The following CALN1 variants were observed in gnomAD, a reference collection of about 807,000 sequenced individuals.
CALN1 encodes the protein calneuron 1, also known as calcium-binding protein 8.
Under a neutral mutation model 30.6 loss-of-function variants are expected in CALN1, and 17 were observed. That is an observed-to-expected ratio of 0.56 (90% confidence interval 0.38 to 0.83). CALN1 has a LOEUF of 0.83. Ranked by LOEUF, CALN1 falls within the 40% of genes least tolerant of loss-of-function variation. The probability of loss-of-function intolerance (pLI) is 0.00; values close to 1 mark genes in which losing one functional copy is unlikely to be tolerated. For synonymous variants in CALN1, 156 were observed against 131.4 expected (o/e 1.19, Z -1.28); for missense variants, 291 against 354.9 (o/e 0.82, Z 1.45).
intron 4 of CALN1, among the ~76,000 whole-genome samples, chr7:72,079,853 C>T (rs1040950955): frequency 6.6e-6 from 1 of 150,408 alleles, no homozygotes; most frequent in African/African-American, 2.5e-5. Context: ...TCACTGCAGC[C>T]TCCACCTCCT....
intron 5 of CALN1, among the ~76,000 whole-genome samples, chr7:71,927,611 T>C (rs925209837): frequency 6.6e-6 from 1 of 152,208 alleles, no homozygotes; most frequent in Non-Finnish European, 1.5e-5. Context: ...TCTTTCTCTG[T>C]GTGTCTGTAC....
intron 3 of CALN1, among the ~76,000 whole-genome samples, chr7:72,120,726 T>C (rs1250428771): frequency 1.3e-5 from 2 of 152,200 alleles, no homozygotes; most frequent in East Asian, 1.9e-4. Context: ...AACTATCTCT[T>C]AGGTTTTAGT....
At chr7:72,377,608 AG>A in intron 2 of CALN1, among the ~76,000 whole-genome samples, 1 of 152,258 alleles carries the variant, frequency 6.6e-6, no homozygotes. Flanking sequence ...TTGTTTGTTT[AG>A]CAACTTCTCT....
At chr7:72,313,427 T>C (rs1800200574) in intron 2 of CALN1, among the ~76,000 whole-genome samples, 1 of 152,166 alleles carries the variant, frequency 6.6e-6, no homozygotes. Context: ...AGTATCACTG[T>C]GTCACCCAGG....
rs139046404 is a variant in CALN1, at chr7:72,150,872, TATGATGATGATGATG to T, written c.245-44593_245-44579del. ...GCTCAATAACTATTTGCTGTGATGA[TATGATGATGATGATG>T]ATGATGATGATGATGATGGTGACGA... On this transcript the variant is annotated intron_variant, in intron 3 of 6. Transcript: ENST00000395275. 4.7e-5 allele frequency among the ~76,000 whole-genome samples: 7 copies of T among 150,532 alleles called. No individual in the cohort carries two copies. The South Asian group carries it at 6.4e-4, about 14-fold the overall frequency.
At chr7:72,366,016 G>T (rs1031193949) in intron 2 of CALN1, among the ~76,000 whole-genome samples, 1 of 152,022 alleles carries the variant, frequency 6.6e-6, no homozygotes, top group African/African-American at 2.4e-5. Context: ...TCAGTCAATT[G>T]CATAAAGACA....
At chr7:71,860,730 G>A (rs575424906) in intron 5 of CALN1, among the ~76,000 whole-genome samples, 89 of 152,228 alleles carry the variant, frequency 5.8e-4, no homozygotes, top group African/African-American at 1.9e-3. Flanking sequence ...TTAAGGCCAC[G>A]TACCACTGCC....
intron 2 of CALN1, among the ~76,000 whole-genome samples, chr7:72,308,978 G>A (rs1799854459): frequency 6.6e-6 from 1 of 152,136 alleles, no homozygotes; most frequent in African/African-American, 2.4e-5. Flanking sequence ...GCAATTCTAG[G>A]CAATGTTAAG....
chr7:72,223,112 C>T (rs758515341), intron 3 of CALN1, among the ~76,000 whole-genome samples: 64 of 152,216 alleles, frequency 4.2e-4, no homozygotes, highest in Non-Finnish European at 7.4e-4. Context: ...GGGACACAGG[C>T]AAGGGAGTGG....
rs1214095053 is a variant in CALN1, at chr7:72,438,461, G to A, written c.-226+8581C>T. 2.6e-5 allele frequency among the ~76,000 whole-genome samples: 4 copies of A among 152,084 alleles called. No homozygotes were observed. The South Asian group carries it at 6.2e-4, about 24-fold the overall frequency. ...TGACTCCCTATTTCTCCAAAAACAC[G>A]ATTAAGTCTCCCTCATTCTATCGAG... On this transcript the variant is annotated intron_variant, in intron 1 of 6. Coordinates refer to the CALN1 transcript ENST00000395276.
At chr7:72,383,019 C>A (rs928939735) in intron 2 of CALN1, among the ~76,000 whole-genome samples, 1 of 152,184 alleles carries the variant, frequency 6.6e-6, no homozygotes, top group African/African-American at 2.4e-5. Context: ...ATCTCTTGAC[C>A]TCATGATCCA....
chr7:72,314,895 C>T (rs1374844133), intron 2 of CALN1, among the ~76,000 whole-genome samples: 2 of 149,488 alleles, frequency 1.3e-5, no homozygotes, highest in Non-Finnish European at 3.0e-5. Context: ...CACCTGTAAA[C>T]CCAGCACTTT....
At chr7:72,257,961 AGG>A (rs1796022004) in intron 3 of CALN1, among the ~76,000 whole-genome samples, 2 of 147,290 alleles carry the variant, frequency 1.4e-5, no homozygotes, top group African/African-American at 5.2e-5. Flanking sequence ...TGGGGACTCG[AGG>A]GGGAAGAGTG....
At chr7:71,987,608 C>T (rs1798741338) in intron 5 of CALN1, among the ~76,000 whole-genome samples, 1 of 152,168 alleles carries the variant, frequency 6.6e-6, no homozygotes. Context: ...TGTTACGCAA[C>T]CCCCATGAGA....
At chr7:72,268,667 T>C (rs543632554) in intron 3 of CALN1, among the ~76,000 whole-genome samples, 1 of 151,858 alleles carries the variant, frequency 6.6e-6, no homozygotes, top group Non-Finnish European at 1.5e-5. Flanking sequence ...CATGGTGACA[T>C]GCACCTGTAG....
chr7:72,116,523 G>A (rs1213739616), intron 3 of CALN1, among the ~76,000 whole-genome samples: 1 of 152,198 alleles, frequency 6.6e-6, no homozygotes, highest in Non-Finnish European at 1.5e-5. Flanking sequence ...TTCAAAGAGG[G>A]CACAACAGGG....
intron 3 of CALN1, among the ~76,000 whole-genome samples, chr7:72,235,385 T>C (rs1193614038): frequency 1.3e-5 from 2 of 152,186 alleles, no homozygotes; most frequent in African/African-American, 4.8e-5. Flanking sequence ...AATACTGCAT[T>C]AGTATTGTCC....
At chr7:72,247,229 T>G (rs1413379709) in intron 3 of CALN1, among the ~76,000 whole-genome samples, 1 of 8,820 alleles carries the variant, frequency 1.1e-4, no homozygotes, top group Non-Finnish European at 2.0e-4. Context: ...TTTTCTTTCT[T>G]TTTTTTTTTT....
At chr7:72,016,863 C>G (rs1018262725) in intron 5 of CALN1, among the ~76,000 whole-genome samples, 1 of 151,616 alleles carries the variant, frequency 6.6e-6, no homozygotes, top group Non-Finnish European at 1.5e-5. Context: ...ATCAAGATTC[C>G]TAGACCAGGC....
Sources: gnomAD v4.1 joint callset for allele counts (sites outside exome capture counted in the v4.1 genomes callset) on GRCh38, gnomAD v4.1.1 for gene constraint, MANE v1.5 for transcripts, NCBI Gene and HGNC (gene_info 2026-07-23, HGNC 2026-07-21) for gene names.